Variants in KCNE4 observed in about 807,000 individuals in gnomAD.
KCNE4 encodes the protein potassium voltage-gated channel subfamily E member 4.
Under a neutral mutation model 9.2 loss-of-function variants are expected in KCNE4, and 6 were observed. The observed-to-expected ratio is 0.65, with a 90% CI of 0.36 to 1.29. The LOEUF (loss-of-function observed/expected upper bound fraction) is 1.29. Among genes scored for constraint, KCNE4 ranks in the 50% most tolerant of loss-of-function variants. The pLI is 0.03. For synonymous variants in KCNE4, 115 were observed against 103.2 expected (o/e 1.11, Z -0.70); for missense variants, 222 against 228.8 (o/e 0.97, Z 0.19).
In KCNE4 at chr2:223,052,987, A is replaced by G; in HGVS notation, c.157A>G (p.Ile53Val). The change falls in exon 2 of 2, where the codon ATC becomes GTC. Residue 53 changes from isoleucine (I) to valine (V), a missense_variant. By Grantham distance (29) the Ile-to-Val change is conservative. Coordinates refer to ENST00000281830, the MANE Select transcript of KCNE4 (RefSeq NM_080671.4). ...CTTCTACGGCATTTTCTTGATCGGA[A>G]TCATGCTGGGCTACATGAAATCCAA... is the stretch of plus-strand genomic sequence containing the variant. Reference protein sequence around the residue: ...MSFYGIFLIGIMLGYMKSKRR... With the variant: ...MSFYGIFLIGVMLGYMKSKRR... 1 of 1,614,206 alleles carries G rather than the reference A, an allele frequency of 6.2e-7. No homozygotes were observed. Among genetic ancestry groups the G allele is most frequent in the Middle Eastern group, 1.6e-4 (1 of 6,062 alleles).
chr2:223,052,235 G>T lies in KCNE4; in HGVS notation c.-63G>T. On this transcript the variant is annotated 5_prime_UTR_variant, in exon 1 of 2. Coordinates refer to ENST00000281830, the MANE Select transcript of KCNE4 (RefSeq NM_080671.4). ...GCAGAAGAACCCTCTTGGACTGGAC[G>T]ATTTGGGAATTCAAAACTTGGGACA... 2 of 1,235,494 alleles carry T rather than the reference G, an allele frequency of 1.6e-6. No individual in the cohort carries two copies. Among genetic ancestry groups the T allele is most frequent in the Non-Finnish European group, 2.0e-6 (2 of 990,340 alleles). 76.5% of individuals were successfully genotyped at this position (1,235,494 alleles called of 1,614,324 possible). A position where few individuals can be genotyped will look rare whatever the true frequency, so the allele number is the denominator to read the frequency against.
Position 223,053,690 on chromosome 2 carries a change from T to G in KCNE4, c.*347T>G. 1 of 357,022 alleles carries G rather than the reference T, an allele frequency of 2.8e-6. No homozygotes were observed. Among genetic ancestry groups the G allele is most frequent in the South Asian group, 3.1e-5 (1 of 32,508 alleles). The allele number at this position is 357,022 out of a possible 1,614,324, so 22.1% of individuals were successfully genotyped here. On this transcript the variant is annotated 3_prime_UTR_variant, in exon 2 of 2. Transcript: ENST00000281830. This position sits in a 1 kb window ranked among gnomAD's most constrained non-coding sequence, Gnocchi z 4.1. ...TGCCCTGGGTAGCTCCTGCAGGGTC[T>G]GCCTGTTCCCAGGGCTGCCGAATGC...
At position 223,054,808 on chromosome 2, in the gene KCNE4, G is replaced by A. The variant is rs1698742891; in HGVS notation, c.*1465G>A. The A allele has an allele frequency of 6.0e-6, 1 of 166,368 alleles. No homozygotes were observed. Among genetic ancestry groups the A allele is most frequent in the Non-Finnish European group, 1.5e-5 (1 of 68,052 alleles). The allele number at this position is 166,368 out of a possible 1,614,324, so 10.3% of individuals were successfully genotyped here. Reference sequence around the variant, plus strand: ...CCTTAAAGACAAGGAGGAAGTAAAAGGTCAAATTTAAATCTATTTAAAAAA... The same window carrying A: ...CCTTAAAGACAAGGAGGAAGTAAAAAGTCAAATTTAAATCTATTTAAAAAA... On this transcript the variant is annotated 3_prime_UTR_variant, in exon 2 of 2. Transcript: ENST00000281830.
intron 1 of KCNE4, 24 bp from the exon 2 acceptor site, chr2:223,052,784 T>A (rs1166972431): frequency 6.2e-7 from 1 of 1,601,542 alleles, no homozygotes; most frequent in Non-Finnish European, 8.5e-7. Context: ...GGGGGAGAGT[T>A]CTAACCTGCG....
rs61735204 is a variant in KCNE4, at chr2:223,052,235, G to A, written c.-63G>A. 309 of 1,235,494 alleles carry A rather than the reference G, an allele frequency of 2.5e-4. No individual in the cohort carries two copies. The African/African-American group carries it at 4.6e-3, about 18-fold the overall frequency. The allele number at this position is 1,235,494 out of a possible 1,614,324, so 76.5% of individuals were successfully genotyped here. On this transcript the variant is annotated 5_prime_UTR_variant, in exon 1 of 2. Coordinates refer to ENST00000281830, the MANE Select transcript of KCNE4 (RefSeq NM_080671.4). ...GCAGAAGAACCCTCTTGGACTGGAC[G>A]ATTTGGGAATTCAAAACTTGGGACA...
Position 223,054,584 on chromosome 2 carries a change from C to A in KCNE4, c.*1241C>A, listed in dbSNP as rs1332803472. 6.0e-6 allele frequency: 1 copy of A among 167,048 alleles called. No individual in the cohort carries two copies. Among genetic ancestry groups the A allele is most frequent in the Non-Finnish European group, 1.5e-5 (1 of 68,130 alleles). The allele number at this position is 167,048 out of a possible 1,614,324, so 10.3% of individuals were successfully genotyped here. ...TAACTGGGGAATTCAGGGCAAGCTA[C>A]CAACCCAGCCCTGCTGTAGTTTTCC... On this transcript the variant is annotated 3_prime_UTR_variant, in exon 2 of 2. Coordinates refer to ENST00000281830, the MANE Select transcript of KCNE4 (RefSeq NM_080671.4).
At chr2:223,052,668 T>A (rs1011523552) in intron 1 of KCNE4, 140 bp from the exon 2 acceptor site, 20 of 924,758 alleles carry the variant, frequency 2.2e-5, no homozygotes, top group Middle Eastern at 3.3e-4. Flanking sequence ...TCTTGTCAGC[T>A]GTTTGGCGAA....
In KCNE4 at chr2:223,052,239, T is replaced by C. The variant is rs1453339988; in HGVS notation, c.-59T>C. On this transcript the variant is annotated 5_prime_UTR_variant, in exon 1 of 2. Transcript: ENST00000281830. ...AAGAACCCTCTTGGACTGGACGATT[T>C]GGGAATTCAAAACTTGGGACAAACT... is the stretch of plus-strand genomic sequence containing the variant. 2 of 1,235,400 alleles carry C rather than the reference T, an allele frequency of 1.6e-6. No homozygotes were observed. The highest frequency in any genetic ancestry group is 2.0e-6 in the Non-Finnish European group (2 of 990,368). 76.5% of individuals were successfully genotyped at this position (1,235,400 alleles called of 1,614,324 possible). A position where few individuals can be genotyped will look rare whatever the true frequency, so the allele number is the denominator to read the frequency against.
rs754030731 is a variant in KCNE4, at chr2:223,053,250, G to A, written c.420G>A (p.Glu140=). The part of the protein sequence containing the change: ...SSPDVHLTIQ[E]EGADDELEET... ...CGGACGTGCACCTCACCATTCAGGA[G>A]GAGGGGGCAGACGATGAGCTGGAGG... The change falls in exon 2 of 2, where the codon GAG becomes GAA. Residue 140 remains glutamate (E), a synonymous_variant. Transcript: ENST00000281830. This position sits in a 1 kb window ranked among gnomAD's most constrained non-coding sequence, Gnocchi z 4.1. The A allele has an allele frequency of 1.2e-6, 2 of 1,613,962 alleles. No homozygotes were observed. The highest frequency in any genetic ancestry group is 1.7e-6 in the Non-Finnish European group (2 of 1,179,994).
chr2:223,053,457 C>A lies in KCNE4; in HGVS notation c.*114C>A. ...AGTGCGGCTGCCACTTTGAAGAGAC[C>A]CTTGGTAAACCCCTGATTCGGGGTG... On this transcript the variant is annotated 3_prime_UTR_variant, in exon 2 of 2. Coordinates refer to ENST00000281830, the MANE Select transcript of KCNE4 (RefSeq NM_080671.4). This position sits in a 1 kb window ranked among gnomAD's most constrained non-coding sequence, Gnocchi z 4.1. 2 of 1,092,582 alleles carry A rather than the reference C, an allele frequency of 1.8e-6. No individual in the cohort carries two copies. The highest frequency in any genetic ancestry group is 1.4e-5 in the South Asian group (1 of 73,302). The allele number at this position is 1,092,582 out of a possible 1,614,324, so 67.7% of individuals were successfully genotyped here. A position where few individuals can be genotyped will look rare whatever the true frequency, so the allele number is the denominator to read the frequency against.
At position 223,052,727 on chromosome 2, in the gene KCNE4, C is replaced by T; in HGVS notation, c.-23-81C>T. 1.4e-6 allele frequency: 2 copies of T among 1,474,858 alleles called. 1 individual carries two copies. Among genetic ancestry groups the T allele is most frequent in the South Asian group, 2.4e-5 (2 of 83,802 alleles). The allele number at this position is 1,474,858 out of a possible 1,614,324, so 91.4% of individuals were successfully genotyped here. A position where few individuals can be genotyped will look rare whatever the true frequency, so the allele number is the denominator to read the frequency against. On this transcript the variant is annotated intron_variant, in intron 1 of 1. Transcript: ENST00000281830. ...GCACTTTTAAGCTTTTTTGGTATTG[C>T]AGTTCCACAAACCTCGTGCTCCCCC... is the stretch of plus-strand genomic sequence containing the variant.
chr2:223,054,162 C>T lies in KCNE4; in HGVS notation c.*819C>T, dbSNP rs1003924563. The stretch of plus-strand genomic sequence containing the variant: ...AAAGTGGGGTTGAACAAGGCCAAGC[C>T]GTTAGCTCTGCTGCTGCTCAGTTTC... On this transcript the variant is annotated 3_prime_UTR_variant, in exon 2 of 2. Transcript: ENST00000281830. 6.0e-6 allele frequency: 1 copy of T among 167,104 alleles called. No individual in the cohort carries two copies. The highest frequency in any genetic ancestry group is 2.4e-5 in the African/African-American group (1 of 41,426). The allele number at this position is 167,104 out of a possible 1,614,324, so 10.4% of individuals were successfully genotyped here. A position where few individuals can be genotyped will look rare whatever the true frequency, so the allele number is the denominator to read the frequency against.
intron 1 of KCNE4, 82 bp downstream of exon 1, chr2:223,052,356 C>A: frequency 9.7e-7 from 1 of 1,028,478 alleles, no homozygotes; most frequent in Non-Finnish European, 1.2e-6. Context: ...AATTTTTTTC[C>A]TTTATTTTCT....
rs928147314 is a variant in KCNE4 at position 223,053,071 on chromosome 2, G to T, written c.241G>T (p.Gly81Trp). 2 of 1,613,914 alleles carry T rather than the reference G, an allele frequency of 1.2e-6. No homozygotes were observed. The highest frequency in any genetic ancestry group is 2.2e-5 in the East Asian group (1 of 44,892). ...LLYKDEERLW[G>W]EAMKPLPVVS... The stretch of plus-strand genomic sequence containing the variant: ...GTACAAAGACGAGGAGCGGCTCTGG[G>T]GGGAGGCCATGAAGCCGCTGCCTGT... Residue 81 changes from glycine to tryptophan, a missense_variant, in exon 2 of 2, where the codon GGG (glycine) becomes TGG (tryptophan). Transcript: ENST00000281830. This position sits in a 1 kb window ranked among gnomAD's most constrained non-coding sequence, Gnocchi z 4.1.
chr2:223,054,387 G>T lies in KCNE4; in HGVS notation c.*1044G>T, dbSNP rs1184946951. On this transcript the variant is annotated 3_prime_UTR_variant, in exon 2 of 2. Coordinates refer to ENST00000281830, the MANE Select transcript of KCNE4 (RefSeq NM_080671.4). ...AGCTCGCTGTCTGCATGAGGCTCCC[G>T]ACGATCTCCATCCCCAGGGGGTTGG... 6.0e-6 allele frequency: 1 copy of T among 167,056 alleles called. No individual in the cohort carries two copies. The highest frequency in any genetic ancestry group is 1.5e-5 in the Non-Finnish European group (1 of 68,116). 10.3% of individuals were successfully genotyped at this position (167,056 alleles called of 1,614,324 possible).
At position 223,053,590 on chromosome 2, in the gene KCNE4, C is replaced by A. The variant is rs1218249029; in HGVS notation, c.*247C>A. 3.6e-6 allele frequency: 2 copies of A among 555,146 alleles called. No individual in the cohort carries two copies. The highest frequency in any genetic ancestry group is 6.4e-5 in the East Asian group (2 of 31,484). The allele number at this position is 555,146 out of a possible 1,614,324, so 34.4% of individuals were successfully genotyped here. The stretch of plus-strand genomic sequence containing the variant: ...GCCGCGGAGATGCGCAGCGCGTACA[C>A]TGACTTTGGGGCCTGGGTGTTGGGG... On this transcript the variant is annotated 3_prime_UTR_variant, in exon 2 of 2. Transcript: ENST00000281830. The surrounding 1 kb of genome is among the most constrained non-coding windows in gnomAD (Gnocchi z 4.1).
rs1354003292 is a variant in KCNE4, at chr2:223,053,383, A to G, written c.*40A>G. On this transcript the variant is annotated 3_prime_UTR_variant, in exon 2 of 2. Transcript: ENST00000281830. This position sits in a 1 kb window ranked among gnomAD's most constrained non-coding sequence, Gnocchi z 4.1. ...CTGCCGGTGGCTCCATCAGCCAGCA[A>G]CCTTAGAGAGAGGAAAGACAGTTTT... 1 of 1,572,686 alleles carries G rather than the reference A, an allele frequency of 6.4e-7. No individual in the cohort carries two copies. The highest frequency in any genetic ancestry group is 1.7e-4 in the Middle Eastern group (1 of 6,010).
rs926738601 is a variant in KCNE4 at position 223,054,960 on chromosome 2, C to A, written c.*1617C>A. On this transcript the variant is annotated 3_prime_UTR_variant, in exon 2 of 2. Transcript: ENST00000281830. ...GCAACCTCCACCTCCTGGGTTTCAG[C>A]GATTCTCCTGCCTCAGCCTCCTGAG... 6.1e-6 allele frequency: 1 copy of A among 165,280 alleles called. No individual in the cohort carries two copies. Among genetic ancestry groups the A allele is most frequent in the Non-Finnish European group, 1.5e-5 (1 of 68,090 alleles). 10.2% of individuals were successfully genotyped at this position (165,280 alleles called of 1,614,324 possible).
Position 223,053,379 on chromosome 2 carries a change from A to G in KCNE4, c.*36A>G, listed in dbSNP as rs768469154. ...ACCCCTGCCGGTGGCTCCATCAGCCAGCAACCTTAGAGAGAGGAAAGACAG... is the reference window on the plus strand; with the variant it reads ...ACCCCTGCCGGTGGCTCCATCAGCCGGCAACCTTAGAGAGAGGAAAGACAG... On this transcript the variant is annotated 3_prime_UTR_variant, in exon 2 of 2. Transcript: ENST00000281830. This position sits in a 1 kb window ranked among gnomAD's most constrained non-coding sequence, Gnocchi z 4.1. 2 of 1,584,838 alleles carry G rather than the reference A, an allele frequency of 1.3e-6. No homozygotes were observed. Among genetic ancestry groups the G allele is most frequent in the African/African-American group, 1.3e-5 (1 of 74,488 alleles).
Sources: allele counts gnomAD v4.1 joint callset, GRCh38; gene constraint gnomAD v4.1.1; non-coding constraint Gnocchi (gnomAD v3.1); transcripts MANE v1.5; gene names NCBI Gene and HGNC (gene_info 2026-07-23, HGNC 2026-07-21).